PCDHGA12: variants seen among roughly 807,000 people sequenced by gnomAD.
The protein encoded by PCDHGA12 is protocadherin gamma-A12.
A neutral mutation model predicts 61.1 loss-of-function variants in PCDHGA12; 43 were observed. That is an observed-to-expected ratio of 0.70 (90% CI 0.55 to 0.91). The LOEUF is 0.91. Among genes scored for constraint, PCDHGA12 ranks in the 40% least tolerant of loss-of-function variants. PCDHGA12 has a pLI of 0.00. For missense variants in PCDHGA12, 1,236 were observed against 1,227.7 expected (o/e 1.01, Z -0.10); for synonymous variants, 520 against 542.9 (o/e 0.96, Z 0.59).
intron 1 of PCDHGA12, among the ~76,000 whole-genome samples, chr5:141,451,829 C>T (rs564970982): frequency 1.2e-4 from 18 of 151,422 alleles, no homozygotes; most frequent in African/African-American, 4.1e-4. Flanking sequence ...TACAGTGAGC[C>T]GAGATCACAC....
chr5:141,469,603 GTAAAA>G (rs929191572), intron 1 of PCDHGA12, among the ~76,000 whole-genome samples: 9 of 152,038 alleles, frequency 5.9e-5, no homozygotes, highest in Admixed American at 1.3e-4. Context: ...AACAAAATAA[GTAAAA>G]TAAAATAAAT....
chr5:141,479,860 C>T (rs1374284598), intron 1 of PCDHGA12, among the ~76,000 whole-genome samples: 2 of 152,108 alleles, frequency 1.3e-5, no homozygotes, highest in Admixed American at 6.5e-5. Context: ...AAGGCCTTTG[C>T]CCTGGAGAGA....
In PCDHGA12 at chr5:141,477,406, A is replaced by G. The variant is rs1004061582; in HGVS notation, c.2425-17401A>G. The G allele has an allele frequency of 6.2e-7, 1 of 1,614,154 alleles. No individual in the cohort carries two copies. Among genetic ancestry groups the G allele is most frequent in the Non-Finnish European group, 8.5e-7 (1 of 1,180,040 alleles). The stretch of plus-strand genomic sequence containing the variant: ...AATACAACCTCAGCATCACCGCCCG[A>G]GACGCCGGAACCCCTTCCCTCTCAG... On this transcript the variant is annotated intron_variant, in intron 1 of 3. Transcript: ENST00000252085. The surrounding 1 kb of genome is among the most constrained non-coding windows in gnomAD (Gnocchi z 4.9).
chr5:141,457,806 G>A (rs1321207711), intron 1 of PCDHGA12, among the ~76,000 whole-genome samples: 1 of 152,150 alleles, frequency 6.6e-6, no homozygotes, highest in Non-Finnish European at 1.5e-5. Context: ...CTCCTCTTGA[G>A]GTCCCAAGAT....
At chr5:141,498,967 GGGAGGGAAGGAA>G (rs1374222518) in intron 2 of PCDHGA12, among the ~76,000 whole-genome samples, 13 of 129,674 alleles carry the variant, frequency 1.0e-4, no homozygotes, top group South Asian at 5.5e-4. Context: ...GAGGGAGGGA[GGGAGGGAAGGAA>G]GGAAGGAAGG....
intron 1 of PCDHGA12, among the ~76,000 whole-genome samples, chr5:141,494,030 A>G (rs1165393646): frequency 6.6e-6 from 1 of 151,978 alleles, no homozygotes; most frequent in Non-Finnish European, 1.5e-5. Context: ...AGCCCTGGAG[A>G]CTTAGTTGGC....
chr5:141,482,859 G>A (rs1371172226), intron 1 of PCDHGA12, among the ~76,000 whole-genome samples: 3 of 148,230 alleles, frequency 2.0e-5, no homozygotes, highest in Admixed American at 6.7e-5. Flanking sequence ...ATCACTTGAG[G>A]TCAGGAGTTT....
At chr5:141,474,722 C>G (rs1562046141) in intron 1 of PCDHGA12, among the ~76,000 whole-genome samples, 1 of 152,216 alleles carries the variant, frequency 6.6e-6, no homozygotes, top group Non-Finnish European at 1.5e-5. Flanking sequence ...TTCAAAAGGA[C>G]TCTATGCAAT....
chr5:141,490,033 A>C lies in PCDHGA12; in HGVS notation c.2425-4774A>C, dbSNP rs200482631. The C allele has an allele frequency of 4.0e-5, 65 of 1,614,116 alleles. No homozygotes were observed. Among genetic ancestry groups the C allele is most frequent in the Non-Finnish European group, 4.1e-5 (48 of 1,180,040 alleles). On this transcript the variant is annotated intron_variant, in intron 1 of 3. Transcript: ENST00000252085. This position sits in a 1 kb window ranked among gnomAD's most constrained non-coding sequence, Gnocchi z 5.4. ...CATTGGTACTCTGCTGCTCCGCCTC[A>C]ATGCCACTGATCCAGACGAGGGCAC...
intron 3 of PCDHGA12, among the ~76,000 whole-genome samples, chr5:141,506,045 C>G (rs1379226123): frequency 6.6e-6 from 1 of 152,078 alleles, no homozygotes; most frequent in Non-Finnish European, 1.5e-5. Flanking sequence ...TCTGGTTTTC[C>G]CATAAGGTTG....
rs775299266 is a variant in PCDHGA12, at chr5:141,432,192, AC to A, written c.1437del (p.Asp480ThrfsTer38). On this transcript the variant is annotated frameshift_variant, in exon 1 of 4. Transcript: ENST00000252085. LOFTEE classifies it high-confidence loss of function. The surrounding 1 kb of genome is among the most constrained non-coding windows in gnomAD (Gnocchi z 6.0). ...GVSLVSVTAH[D>X]PDCEENAQIT... ...TCCCTCGTCTCTGTGACCGCCCACG[AC>A]CCCGACTGTGAAGAGAACGCCCAGA... 5 of 1,613,812 alleles carry A rather than the reference AC, an allele frequency of 3.1e-6. No individual in the cohort carries two copies. Among genetic ancestry groups the A allele is most frequent in the Non-Finnish European group, 4.2e-6 (5 of 1,179,996 alleles).
chr5:141,510,272 TAAA>T (rs546154379), intron 3 of PCDHGA12, among the ~76,000 whole-genome samples: 2 of 130,370 alleles, frequency 1.5e-5, no homozygotes, highest in Non-Finnish European at 3.3e-5. Context: ...GACTCCATCT[TAAA>T]AAAAAAAAAA....
Position 141,491,176 on chromosome 5 carries a change from G to A in PCDHGA12, c.2425-3631G>A. The A allele has an allele frequency of 1.2e-6, 2 of 1,614,210 alleles. No homozygotes were observed. The highest frequency in any genetic ancestry group is 8.5e-7 in the Non-Finnish European group (1 of 1,180,024). On this transcript the variant is annotated intron_variant, in intron 1 of 3. Transcript: ENST00000252085. The surrounding 1 kb of genome is among the most constrained non-coding windows in gnomAD (Gnocchi z 6.9). ...TGACTCTGACACCCAGCAGGTGGTG[G>A]TCCTGGTGAGGGACAATGGTGACCC...
At chr5:141,508,792 C>T (rs1198342551) in intron 3 of PCDHGA12, among the ~76,000 whole-genome samples, 3 of 152,130 alleles carry the variant, frequency 2.0e-5, no homozygotes, top group Admixed American at 6.5e-5. Flanking sequence ...CTAAATCACT[C>T]TGGAATCCTG....
chr5:141,502,615 A>G (rs2099815317), intron 2 of PCDHGA12, among the ~76,000 whole-genome samples: 1 of 152,218 alleles, frequency 6.6e-6, no homozygotes, highest in Non-Finnish European at 1.5e-5. Context: ...TTGTGAAAAT[A>G]TAAGTAATCT....
At chr5:141,447,623 C>G (rs940221130) in intron 1 of PCDHGA12, among the ~76,000 whole-genome samples, 1 of 152,042 alleles carries the variant, frequency 6.6e-6, no homozygotes, top group African/African-American at 2.4e-5. Flanking sequence ...AAAGTTGAAA[C>G]CAACAGTATG....
chr5:141,472,980 C>CAAAAAAAAAAAAAAAAAAAGAAAAAAAAA (rs60579131), intron 1 of PCDHGA12, among the ~76,000 whole-genome samples: 1 of 86,106 alleles, frequency 1.2e-5, no homozygotes, highest in Admixed American at 1.2e-4. Context: ...GAGTGAAACT[C>CAAAAAAAAAAAAAAAAAAAGAAAAAAAAA]AAAAAAAAAA....
Position 141,476,480 on chromosome 5 carries a change from G to A in PCDHGA12, c.2425-18327G>A, listed in dbSNP as rs761828753. 1 of 1,614,108 alleles carries A rather than the reference G, an allele frequency of 6.2e-7. No individual in the cohort carries two copies. The highest frequency in any genetic ancestry group is 2.2e-5 in the East Asian group (1 of 44,846). On this transcript the variant is annotated intron_variant, in intron 1 of 3. Transcript: ENST00000252085. This position sits in a 1 kb window ranked among gnomAD's most constrained non-coding sequence, Gnocchi z 7.6. ...GAACCCGCTGGAGCTGTTCAGCGTG[G>A]AAGTGGTGATCCAGGACATCAACGA...
chr5:141,454,762 G>C (rs889314181), intron 1 of PCDHGA12, among the ~76,000 whole-genome samples: 4 of 115,056 alleles, frequency 3.5e-5, no homozygotes, highest in African/African-American at 6.6e-5. Context: ...ATCTTGACAT[G>C]TTTTTTACAA....
Sources: gnomAD v4.1 joint callset for allele counts (sites outside exome capture counted in the v4.1 genomes callset) on GRCh38, gnomAD v4.1.1 for gene constraint, Gnocchi (gnomAD v3.1) non-coding constraint, MANE v1.5 for transcripts, NCBI Gene and HGNC (gene_info 2026-07-23, HGNC 2026-07-21) for gene names.